The following SOX6 variants were observed in gnomAD, a reference collection of about 807,000 sequenced individuals.
SOX6 encodes transcription factor SOX-6.
In SOX6, 11 loss-of-function variants were observed where a neutral mutation model predicts 97.8. The observed-to-expected ratio is 0.11, with a 90% confidence interval of 0.07 to 0.19. The LOEUF is 0.19. Among genes scored for constraint, SOX6 ranks in the 10% least tolerant of loss-of-function variants. The pLI, the probability that SOX6 is intolerant of heterozygous loss-of-function variation, is 1.00. For synonymous variants in SOX6, 360 were observed against 371.4 expected, an observed-to-expected ratio of 0.97 and a Z score of 0.35; for missense variants, 810 against 1,039.5, an observed-to-expected ratio of 0.78 and a Z score of 3.04.
chr11:15,973,154 T>C lies in SOX6; in HGVS notation c.2184-42A>G, dbSNP rs188508431. On this transcript the variant is annotated intron_variant, in intron 15 of 15. Transcript: ENST00000683767. Reference sequence around the variant, plus strand: ...AACAAAATCAGACAAGGGAGAAATATCTATATATGTGCTATGTACAGCATT... The same window carrying C: ...AACAAAATCAGACAAGGGAGAAATACCTATATATGTGCTATGTACAGCATT... 2,183 of 1,592,946 alleles carry C rather than the reference T, an allele frequency of 1.4e-3. 3 individuals are homozygous for C. Among genetic ancestry groups the C allele is most frequent in the Non-Finnish European group, 1.4e-3 (1,621 of 1,163,186 alleles).
chr11:16,540,465 G>A (rs1009684210), intron 4 of SOX6, among the ~76,000 whole-genome samples: 9 of 152,162 alleles, frequency 5.9e-5, no homozygotes, highest in African/African-American at 2.2e-4. Context: ...TGGAAGTTCT[G>A]GCCAGGGCAA....
Position 16,369,346 on chromosome 11 carries a change from T to A in SOX6, c.-4-28094A>T, listed in dbSNP as rs192211725. ...GTTTCTTTCCACCAGTCTCCCTTACTCTAATCTCTATTTTTTCTTTTTCTA... is the reference window on the plus strand; with the variant it reads ...GTTTCTTTCCACCAGTCTCCCTTACACTAATCTCTATTTTTTCTTTTTCTA... On this transcript the variant is annotated intron_variant, in intron 1 of 15. Coordinates refer to the SOX6 transcript ENST00000396356. Among the ~76,000 whole-genome samples the A allele has an allele frequency of 2.6e-3, 400 of 152,284 alleles. 3 individuals are homozygous for A. Among genetic ancestry groups the A allele is most frequent in the African/African-American group, 9.1e-3 (378 of 41,568 alleles).
chr11:16,707,250 ATAGT>A (rs1476342641), intron 3 of SOX6, among the ~76,000 whole-genome samples: 5 of 152,174 alleles, frequency 3.3e-5, no homozygotes, highest in African/African-American at 7.2e-5. Flanking sequence ...GAAATAAGAT[ATAGT>A]TAGTTTTAAA....
chr11:16,532,775 A>G (rs892432727), intron 4 of SOX6, among the ~76,000 whole-genome samples: 2 of 151,944 alleles, frequency 1.3e-5, no homozygotes, highest in Non-Finnish European at 2.9e-5. Flanking sequence ...CTTCTGAAGC[A>G]TGATATGCCA....
chr11:16,427,076 T>C (rs889000511), intron 1 of SOX6, among the ~76,000 whole-genome samples: 1 of 152,072 alleles, frequency 6.6e-6, no homozygotes, highest in African/African-American at 2.4e-5. Flanking sequence ...AAAGATTTCA[T>C]GACTAAGACA....
In SOX6 at chr11:16,097,649, G is replaced by A; in HGVS notation, c.938C>T (p.Ala313Val). ...GCTGAGTCCAGAAGCAGCAGCAGCTGCCATTGTTGATGGAATGAACTGTAC... is the reference window on the plus strand; with the variant it reads ...GCTGAGTCCAGAAGCAGCAGCAGCTACCATTGTTGATGGAATGAACTGTAC... ...YPVQFIPSTM[A>V]AAAASGLSPL... Residue 313 changes from alanine (A) to valine (V), a missense_variant, in exon 8 of 16, where the codon GCA becomes GTA. Ala to Val is a moderately conservative substitution (Grantham distance 64). Around this residue, in one of 9 missense-constraint regions of SOX6, gnomAD observed 244 missense variants for 261.0 expected, o/e 0.93. Coordinates refer to ENST00000683767, the MANE Select transcript of SOX6 (RefSeq NM_001367873.1). 1 of 1,611,270 alleles carries A rather than the reference G, an allele frequency of 6.2e-7. No homozygotes were observed. The highest frequency in any genetic ancestry group is 8.5e-7 in the Non-Finnish European group (1 of 1,178,046).
chr11:16,234,013 A>G (rs1341810850), intron 4 of SOX6, among the ~76,000 whole-genome samples: 5 of 151,422 alleles, frequency 3.3e-5, no homozygotes, highest in African/African-American at 1.2e-4. Flanking sequence ...CTCAAAAAAA[A>G]AAAAAAAAGA....
chr11:16,710,632 T>C (rs972853016), intron 3 of SOX6, among the ~76,000 whole-genome samples: 1 of 152,148 alleles, frequency 6.6e-6, no homozygotes, highest in African/African-American at 2.4e-5. Context: ...CTCTTTTATC[T>C]GACTTACAAG....
chr11:16,590,833 G>A (rs1565188132), intron 4 of SOX6, among the ~76,000 whole-genome samples: 1 of 151,970 alleles, frequency 6.6e-6, no homozygotes, highest in Admixed American at 6.6e-5. Context: ...TGGGCAAGTG[G>A]ATATGCTTAA....
intron 15 of SOX6, among the ~76,000 whole-genome samples, chr11:15,984,144 C>A (rs1029174608): frequency 6.6e-6 from 1 of 152,048 alleles, no homozygotes. Context: ...TATCTAAAAT[C>A]CTAGTATACA....
chr11:16,595,431 G>A (rs895925334), intron 4 of SOX6, among the ~76,000 whole-genome samples: 3 of 151,936 alleles, frequency 2.0e-5, no homozygotes, highest in Admixed American at 6.6e-5. Context: ...TATGAAAGAA[G>A]GCCTGCTGGC....
At chr11:16,374,518 C>T (rs933015458) in intron 1 of SOX6, among the ~76,000 whole-genome samples, 2 of 151,970 alleles carry the variant, frequency 1.3e-5, no homozygotes, top group African/African-American at 2.4e-5. Flanking sequence ...ACGTGGAATA[C>T]ATTTTTAAAC....
At chr11:16,552,191 A>G (rs1002787610) in intron 4 of SOX6, among the ~76,000 whole-genome samples, 1 of 152,148 alleles carries the variant, frequency 6.6e-6, no homozygotes, top group African/African-American at 2.4e-5. Context: ...TTTTTGACAA[A>G]TCATAAAGTA....
chr11:16,212,631 G>T (rs1852261856), intron 4 of SOX6, among the ~76,000 whole-genome samples: 1 of 152,116 alleles, frequency 6.6e-6, no homozygotes, highest in Non-Finnish European at 1.5e-5. Flanking sequence ...AATGCATAGA[G>T]TATGTGCATC....
chr11:16,159,831 AG>A (rs1428956907), intron 6 of SOX6, among the ~76,000 whole-genome samples: 1 of 152,168 alleles, frequency 6.6e-6, no homozygotes, highest in Non-Finnish European at 1.5e-5. Context: ...AACATTAGGT[AG>A]GTGAAACTTC....
chr11:16,288,656 C>T (rs1854821601), intron 3 of SOX6, among the ~76,000 whole-genome samples: 1 of 151,812 alleles, frequency 6.6e-6, no homozygotes, highest in Admixed American at 6.6e-5. Context: ...ATATATAAGC[C>T]TATGAGGGCT....
rs1334191770 is a variant in SOX6 at position 16,355,265 on chromosome 11, G to T, written c.-5+829C>A. 2.0e-5 allele frequency among the ~76,000 whole-genome samples: 3 copies of T among 152,026 alleles called. No individual in the cohort carries two copies. The South Asian group carries it at 6.2e-4, about 32-fold the overall frequency. On this transcript the variant is annotated intron_variant, in intron 1 of 15. Coordinates refer to ENST00000683767, the MANE Select transcript of SOX6 (RefSeq NM_001367873.1). ...TATCTAGGAAAGCTGGATAAGGAAAGAAACAAATTAATATTTTGAACTTTG... is the reference window on the plus strand; with the variant it reads ...TATCTAGGAAAGCTGGATAAGGAAATAAACAAATTAATATTTTGAACTTTG...
chr11:16,410,927 A>G (rs1406038447), intron 1 of SOX6, among the ~76,000 whole-genome samples: 1 of 151,602 alleles, frequency 6.6e-6, no homozygotes, highest in Admixed American at 6.6e-5. Context: ...GGTGCATATG[A>G]CTACTATGTG....
chr11:16,116,142 G>T (rs1849342193), intron 6 of SOX6, among the ~76,000 whole-genome samples: 1 of 152,096 alleles, frequency 6.6e-6, no homozygotes, highest in African/African-American at 2.4e-5. Flanking sequence ...CTGAGAAAAG[G>T]TGATTAAAAG....
Sources: allele counts gnomAD v4.1 joint callset (sites outside exome capture counted in the v4.1 genomes callset), GRCh38; gene constraint gnomAD v4.1.1; regional missense constraint gnomAD v4.1.1; transcripts MANE v1.5; gene names NCBI Gene and HGNC (gene_info 2026-07-23, HGNC 2026-07-21).